The following HIP1R variants were observed in gnomAD, a reference collection of about 807,000 sequenced individuals.
HIP1R encodes the protein huntingtin-interacting protein 1-related protein.
Under a neutral mutation model 144.2 loss-of-function variants are expected in HIP1R, and 135 were observed. The observed-to-expected ratio is 0.94, with a 90% CI of 0.81 to 1.08. HIP1R has a LOEUF of 1.08. Among genes scored for constraint, HIP1R ranks in the 50% least tolerant of loss-of-function variants. HIP1R has a pLI of 0.00. For missense variants in HIP1R, 1,462 were observed against 1,432.8 expected (o/e 1.02, Z -0.33); for synonymous variants, 698 against 612.8 (o/e 1.14, Z -2.05).
chr12:122,852,769 G>A (rs1207106224), intron 7 of HIP1R, among the ~76,000 whole-genome samples: 2 of 152,072 alleles, frequency 1.3e-5, no homozygotes, highest in African/African-American at 4.8e-5. Flanking sequence ...TGGGATGGCC[G>A]GGAAGATCTA....
intron 1 of HIP1R, among the ~76,000 whole-genome samples, chr12:122,846,192 T>A (rs542425341): frequency 6.6e-6 from 1 of 152,296 alleles, no homozygotes; most frequent in African/African-American, 2.4e-5. Flanking sequence ...CCTCCTGCCC[T>A]GGGAGCCCCT....
chr12:122,838,092 G>C (rs2032957633), intron 1 of HIP1R, among the ~76,000 whole-genome samples: 1 of 152,156 alleles, frequency 6.6e-6, no homozygotes, highest in Non-Finnish European at 1.5e-5. Context: ...CCTCCCCTGG[G>C]CTCCTGGGTC....
rs1187817518 is a variant in HIP1R, at chr12:122,860,910, C to T, written c.2767-6C>T. Reference sequence around the variant, plus strand: ...CCTGGGCCCACCCTGACCTCTCGCCCCTCAGGTGAAGGCCAACAAGCACAG... The same window carrying T: ...CCTGGGCCCACCCTGACCTCTCGCCTCTCAGGTGAAGGCCAACAAGCACAG... On this transcript the variant is annotated splice_region_variant and splice_polypyrimidine_tract_variant and intron_variant, in intron 28 of 31. Coordinates refer to ENST00000253083, the MANE Select transcript of HIP1R (RefSeq NM_003959.3). The T allele has an allele frequency of 8.7e-6, 14 of 1,609,402 alleles. No homozygotes were observed. Among genetic ancestry groups the T allele is most frequent in the African/African-American group, 8.0e-5 (6 of 74,846 alleles).
intron 7 of HIP1R, among the ~76,000 whole-genome samples, chr12:122,851,875 A>T (rs2033410159): frequency 6.6e-6 from 1 of 152,126 alleles, no homozygotes; most frequent in South Asian, 2.1e-4. Context: ...GAGGGTGAGG[A>T]GGTGTGCACA....
rs151329331 is a variant in HIP1R, at chr12:122,861,354, G to T, written c.2999G>T (p.Arg1000Leu). 4 of 1,613,592 alleles carry T rather than the reference G, an allele frequency of 2.5e-6. No homozygotes were observed. Among genetic ancestry groups the T allele is most frequent in the Non-Finnish European group, 3.4e-6 (4 of 1,179,972 alleles). Reference protein sequence around the residue: ...LEKTLEAERMRLGELRKQHYV... With the variant: ...LEKTLEAERMLLGELRKQHYV... The stretch of plus-strand genomic sequence containing the variant: ...AAGACGCTGGAGGCTGAACGCATGC[G>T]GCTGGGGGAGTTGCGGAAGCAACAC... Residue 1000 changes from arginine (R) to leucine (L), a missense_variant, in exon 31 of 32, where the codon CGG (arginine) becomes CTG (leucine). Coordinates refer to ENST00000253083, the MANE Select transcript of HIP1R (RefSeq NM_003959.3).
intron 12 of HIP1R, 70 bp from the exon 13 acceptor site, chr12:122,855,761 C>T (rs2033549876): frequency 3.9e-6 from 6 of 1,526,022 alleles, no homozygotes; most frequent in South Asian, 1.2e-5. Context: ...GAGGAGGAGA[C>T]AGGTTCCTGT....
At chr12:122,854,471 C>T (rs2033500913) in intron 8 of HIP1R, among the ~76,000 whole-genome samples, 1 of 152,126 alleles carries the variant, frequency 6.6e-6, no homozygotes, top group South Asian at 2.1e-4. Flanking sequence ...AATCTCCCGC[C>T]AGGCACCCTG....
At chr12:122,835,314 A>T, upstream of HIP1R, 5 of 511,904 alleles carry the variant, frequency 9.8e-6, no homozygotes, top group African/African-American at 4.2e-5. Context: ...GTGCGGGTGG[A>T]GGGGCGCGCC....
Position 122,859,544 on chromosome 12 carries a change from CG to C in HIP1R, c.2406+11del, listed in dbSNP as rs774908462. 1.9e-6 allele frequency: 3 copies of C among 1,603,644 alleles called. No homozygotes were observed. The highest frequency in any genetic ancestry group is 2.6e-6 in the Non-Finnish European group (3 of 1,171,378). ...GCTGTGCGGAGGATTGAGGTGAGCACGGGATCTGGGGACTCCCCTCATTCCT... is the reference window on the plus strand; with the variant it reads ...GCTGTGCGGAGGATTGAGGTGAGCACGGATCTGGGGACTCCCCTCATTCCT... On this transcript the variant is annotated intron_variant, in intron 23 of 31. Transcript: ENST00000253083.
At chr12:122,837,982 T>TA (rs970911568) in intron 1 of HIP1R, among the ~76,000 whole-genome samples, 14 of 152,162 alleles carry the variant, frequency 9.2e-5, no homozygotes, top group Non-Finnish European at 1.5e-4. Flanking sequence ...TCCTTTGTAA[T>TA]ACGCTGCTTG....
At position 122,856,121 on chromosome 12, in the gene HIP1R, C is replaced by T. The variant is rs750631667; in HGVS notation, c.1270C>T (p.Leu424=). The T allele has an allele frequency of 6.7e-5, 106 of 1,589,780 alleles. No individual in the cohort carries two copies. The highest frequency in any genetic ancestry group is 9.0e-5 in the Non-Finnish European group (105 of 1,168,612). ...HELAQLRAAQ[L]EGERSQGLRE... ...GCTGGCCCAGCTGAGGGCTGCCCAGCTGGAGGGCGAGCGGAGCCAGGGCCT... is the reference window on the plus strand; with the variant it reads ...GCTGGCCCAGCTGAGGGCTGCCCAGTTGGAGGGCGAGCGGAGCCAGGGCCT... Residue 424 remains leucine, a synonymous_variant, in exon 14 of 32, where the codon CTG becomes TTG. Transcript: ENST00000253083.
chr12:122,855,503 G>C (rs1426282811), intron 11 of HIP1R, 48 bp from the exon 12 acceptor site: 1 of 1,548,622 alleles, frequency 6.5e-7, no homozygotes, highest in Admixed American at 2.0e-5. Context: ...CCCACTGCCC[G>C]GCCTGGAGGG....
Position 122,858,956 on chromosome 12 carries a change from C to T in HIP1R, c.2158+11C>T, listed in dbSNP as rs1403725468. The T allele has an allele frequency of 6.2e-7, 1 of 1,612,146 alleles. No homozygotes were observed. The highest frequency in any genetic ancestry group is 8.5e-7 in the Non-Finnish European group (1 of 1,179,070). On this transcript the variant is annotated intron_variant, in intron 21 of 31. Transcript: ENST00000253083. ...CCGACCCTGCCGACCGTAAGTGGGT[C>T]CTGGGATGGCAGGTTCTGTCCACCT...
At position 122,856,358 on chromosome 12, in the gene HIP1R, A is replaced by G. The variant is rs751311123; in HGVS notation, c.1401+14A>G. ...CTGCTCAGAAAGGTAGGTGCAGCCC[A>G]TCCTCCATCCCAGCCGGTGGCAGGG... On this transcript the variant is annotated intron_variant, in intron 15 of 31. Coordinates refer to ENST00000253083, the MANE Select transcript of HIP1R (RefSeq NM_003959.3). 15 of 1,613,176 alleles carry G rather than the reference A, an allele frequency of 9.3e-6. No homozygotes were observed. The highest frequency in any genetic ancestry group is 6.6e-5 in the South Asian group (6 of 91,006).
At chr12:122,853,699 C>T (rs1420761597) in intron 7 of HIP1R, 5 of 225,520 alleles carry the variant, frequency 2.2e-5, no homozygotes, top group Non-Finnish European at 4.3e-5. Context: ...CCTTCCTGCT[C>T]TAACATTCAG....
In HIP1R at chr12:122,856,026, A is replaced by G. The variant is rs767656245; in HGVS notation, c.1175A>G (p.Glu392Gly). Residue 392 changes from glutamate (E) to glycine (G), a missense_variant, in exon 14 of 32, where the codon GAG becomes GGG. Physicochemically the swap from Glu to Gly is moderately conservative, Grantham distance 98 (BLOSUM62 -2). Transcript: ENST00000253083. ...CTGAAGAGCCAGGTGAATGCACTGG[A>G]GGGTGAGCTGGAGGAGCAGCGGAAG... ...AQLKSQVNAL[E>G]GELEEQRKQK... is the part of the protein sequence containing the mutation. 1 of 1,596,596 alleles carries G rather than the reference A, an allele frequency of 6.3e-7. No individual in the cohort carries two copies. Among genetic ancestry groups the G allele is most frequent in the East Asian group, 2.3e-5 (1 of 44,066 alleles).
In HIP1R at chr12:122,862,096, G is replaced by A. The variant is rs746141573; in HGVS notation, c.*343G>A. The stretch of plus-strand genomic sequence containing the variant: ...TCCGAGCTAGAGCTCTTCTTCCTAC[G>A]TTTGTAGTCAGCACACTGGGAAACC... On this transcript the variant is annotated 3_prime_UTR_variant, in exon 32 of 32. Transcript: ENST00000253083. 4.6e-5 allele frequency: 12 copies of A among 258,582 alleles called. No homozygotes were observed. The highest frequency in any genetic ancestry group is 7.3e-5 in the Non-Finnish European group (10 of 136,710). 16.0% of individuals were successfully genotyped at this position (258,582 alleles called of 1,614,324 possible). A position where few individuals can be genotyped will look rare whatever the true frequency, so the allele number is the denominator to read the frequency against.
At position 122,850,749 on chromosome 12, in the gene HIP1R, T is replaced by C. The variant is rs548895075; in HGVS notation, c.439-86T>C. 50 of 621,806 alleles carry C rather than the reference T, an allele frequency of 8.0e-5. 4 individuals are homozygous for C. Among genetic ancestry groups the C allele is most frequent in the South Asian group, 2.8e-4 (15 of 53,744 alleles). 38.5% of individuals were successfully genotyped at this position (621,806 alleles called of 1,614,324 possible). ...TGGGGGGCCCTGGTTCAGTGGCCGC[T>C]GGGTGGGGGGGAGCCCTGGTTCGGT... On this transcript the variant is annotated intron_variant, in intron 5 of 31. Coordinates refer to ENST00000253083, the MANE Select transcript of HIP1R (RefSeq NM_003959.3).
rs577078414 is a variant in HIP1R at position 122,852,726 on chromosome 12, C to T, written c.578-1317C>T. Reference sequence around the variant, plus strand: ...CTCGCTGTCTGTGCAGAGCAGAGAACGGAGGGTGGTGGGAAGAGAGATGTG... The same window carrying T: ...CTCGCTGTCTGTGCAGAGCAGAGAATGGAGGGTGGTGGGAAGAGAGATGTG... On this transcript the variant is annotated intron_variant, in intron 7 of 31. Coordinates refer to ENST00000253083, the MANE Select transcript of HIP1R (RefSeq NM_003959.3). Among the ~76,000 whole-genome samples the T allele has an allele frequency of 3.9e-5, 6 of 152,188 alleles. No homozygotes were observed. The East Asian group carries it at 5.8e-4, about 15-fold the overall frequency.
Sources: gnomAD v4.1 joint callset for allele counts (sites outside exome capture counted in the v4.1 genomes callset) on GRCh38, gnomAD v4.1.1 for gene constraint, MANE v1.5 for transcripts, NCBI Gene and HGNC (gene_info 2026-07-23, HGNC 2026-07-21) for gene names.